The following ELOVL5 variants were observed in gnomAD, a reference collection of about 807,000 sequenced individuals.
The protein encoded by ELOVL5 is ELOVL fatty acid elongase 5, also known as very long chain fatty acid elongase 5.
ELOVL5 carries 8 observed loss-of-function variants against 38.6 expected under a neutral mutation model. The observed-to-expected ratio is 0.21, with a 90% CI of 0.12 to 0.37. The LOEUF (loss-of-function observed/expected upper bound fraction) is 0.37, where lower values mean the gene tolerates loss of function less well. Ranked by LOEUF, ELOVL5 falls within the 10% of genes least tolerant of loss-of-function variation. The pLI is 1.00. For synonymous variants in ELOVL5, 127 were observed against 133.7 expected, an observed-to-expected ratio of 0.95 and a Z score of 0.34; for missense variants, 280 against 367.8, an observed-to-expected ratio of 0.76 and a Z score of 1.95.
chr6:53,276,153 T>C lies in ELOVL5; in HGVS notation c.324+26A>G, dbSNP rs745552068. 4 of 1,526,444 alleles carry C rather than the reference T, an allele frequency of 2.6e-6. No individual in the cohort carries two copies. In the African/African-American group the frequency reaches 5.5e-5, roughly 21 times the overall value. The allele number at this position is 1,526,444 out of a possible 1,614,324, so 94.6% of individuals were successfully genotyped here. A position where few individuals can be genotyped will look rare whatever the true frequency, so the allele number is the denominator to read the frequency against. ...TTTAAAAACTCAACACTTATAATAA[T>C]AAAGTTTCTGAAAAAGAGACAGTAC... On this transcript the variant is annotated intron_variant, in intron 4 of 7. Coordinates refer to ENST00000304434, the MANE Select transcript of ELOVL5 (RefSeq NM_021814.5).
intron 3 of ELOVL5, among the ~76,000 whole-genome samples, chr6:53,287,469 G>A (rs777679595): frequency 5.9e-4 from 90 of 152,316 alleles, no homozygotes; most frequent in African/African-American, 2.0e-3. Flanking sequence ...GGGCAAGGAT[G>A]GGATGCTAAG....
intron 1 of ELOVL5, among the ~76,000 whole-genome samples, chr6:53,333,095 G>A (rs1365591262): frequency 6.6e-6 from 1 of 152,212 alleles, no homozygotes; most frequent in Admixed American, 6.5e-5. Context: ...ATGCCTTTCA[G>A]GGTTGGGAAG....
chr6:53,285,570 A>G (rs1292977541), intron 3 of ELOVL5, among the ~76,000 whole-genome samples: 2 of 152,320 alleles, frequency 1.3e-5, no homozygotes, highest in East Asian at 1.9e-4. Context: ...ACTAAACTGT[A>G]GCACATACCA....
At chr6:53,291,241 A>G (rs1253596599) in intron 3 of ELOVL5, among the ~76,000 whole-genome samples, 1 of 152,206 alleles carries the variant, frequency 6.6e-6, no homozygotes, top group African/African-American at 2.4e-5. Flanking sequence ...CAGACAGACA[A>G]TTCAAAACCT....
chr6:53,333,624 A>G (rs886489260), intron 1 of ELOVL5, among the ~76,000 whole-genome samples: 5 of 152,318 alleles, frequency 3.3e-5, no homozygotes. Context: ...TTTTTATCAA[A>G]TCAAAGGACA....
rs1036387305 is a variant in ELOVL5, at chr6:53,268,783, TA to T, written c.*343del. ...TACAATCACATGCATGATCTACAGT[TA>T]AAAAAAAAAGTTTGGATTACAGTGT... is the stretch of plus-strand genomic sequence containing the variant. On this transcript the variant is annotated 3_prime_UTR_variant, in exon 8 of 8. Coordinates refer to ENST00000304434, the MANE Select transcript of ELOVL5 (RefSeq NM_021814.5). 795 of 169,178 alleles carry T rather than the reference TA, an allele frequency of 4.7e-3. No homozygotes were observed. The highest frequency in any genetic ancestry group is 0.012 in the Middle Eastern group (5 of 414). The allele number at this position is 169,178 out of a possible 1,614,324, so 10.5% of individuals were successfully genotyped here.
intron 1 of ELOVL5, among the ~76,000 whole-genome samples, chr6:53,303,807 T>C (rs1180892433): frequency 6.6e-6 from 1 of 152,218 alleles, no homozygotes; most frequent in Non-Finnish European, 1.5e-5. Flanking sequence ...TTTTTAACCA[T>C]CGCTGGAGAA....
At chr6:53,299,093 G>A (rs1002633877) in intron 1 of ELOVL5, among the ~76,000 whole-genome samples, 1 of 152,130 alleles carries the variant, frequency 6.6e-6, no homozygotes, top group Non-Finnish European at 1.5e-5. Flanking sequence ...TAGAAAAAAT[G>A]AGACATTCAT....
intron 1 of ELOVL5, among the ~76,000 whole-genome samples, chr6:53,299,636 A>C (rs1289619197): frequency 6.6e-6 from 1 of 152,202 alleles, no homozygotes; most frequent in Non-Finnish European, 1.5e-5. Flanking sequence ...AGACTGTGGA[A>C]TTTAGTATTT....
intron 1 of ELOVL5, among the ~76,000 whole-genome samples, chr6:53,341,320 C>T (rs911577653): frequency 1.3e-5 from 2 of 152,132 alleles, no homozygotes; most frequent in Non-Finnish European, 2.9e-5. Context: ...CAGAATGTAA[C>T]GATGAATAAG....
At chr6:53,283,911 C>A (rs566649866) in intron 3 of ELOVL5, among the ~76,000 whole-genome samples, 1 of 150,060 alleles carries the variant, frequency 6.7e-6, no homozygotes, top group African/African-American at 2.5e-5. Context: ...GAACTACTTA[C>A]GAAAAAAATT....
At chr6:53,314,620 C>G (rs1204807256) in intron 1 of ELOVL5, among the ~76,000 whole-genome samples, 1 of 152,062 alleles carries the variant, frequency 6.6e-6, no homozygotes, top group Non-Finnish European at 1.5e-5. Context: ...CCCTTCAGCT[C>G]AGAAATCTAG....
chr6:53,321,702 T>C (rs1323784020), intron 1 of ELOVL5, among the ~76,000 whole-genome samples: 1 of 152,236 alleles, frequency 6.6e-6, no homozygotes, highest in East Asian at 1.9e-4. Flanking sequence ...TTCATTAATT[T>C]AGTCTAATGT....
At chr6:53,336,118 T>C (rs1273898951) in intron 1 of ELOVL5, among the ~76,000 whole-genome samples, 2 of 152,242 alleles carry the variant, frequency 1.3e-5, no homozygotes, top group African/African-American at 4.8e-5. Context: ...AGTATAATAA[T>C]AAACTACCTG....
At chr6:53,315,398 C>T (rs1257794043) in intron 1 of ELOVL5, among the ~76,000 whole-genome samples, 17 of 152,100 alleles carry the variant, frequency 1.1e-4, no homozygotes, top group Admixed American at 9.8e-4. Flanking sequence ...CACAAACCTT[C>T]GGTCCATAAC....
At chr6:53,334,335 G>A (rs1768948212) in intron 1 of ELOVL5, among the ~76,000 whole-genome samples, 1 of 152,182 alleles carries the variant, frequency 6.6e-6, no homozygotes, top group Non-Finnish European at 1.5e-5. Context: ...ACCAGAGCCA[G>A]AGAGGCTCCT....
At chr6:53,325,611 A>G (rs1768509767) in intron 1 of ELOVL5, among the ~76,000 whole-genome samples, 1 of 152,228 alleles carries the variant, frequency 6.6e-6, no homozygotes, top group Non-Finnish European at 1.5e-5. Context: ...CTCAGGAGGA[A>G]GATCCAGGCT....
Position 53,306,525 on chromosome 6 carries a change from T to G in ELOVL5, c.-8-10818A>C, listed in dbSNP as rs531965356. ...ATCTTAAAAACTCAGATATAGAACA[T>G]TTTTTCAGCAGTTGGTAGCGGGAGG... On this transcript the variant is annotated intron_variant, in intron 1 of 7. Coordinates refer to ENST00000304434, the MANE Select transcript of ELOVL5 (RefSeq NM_021814.5). Among the ~76,000 whole-genome samples the G allele has an allele frequency of 5.0e-4, 76 of 152,148 alleles. 1 individual carries two copies. The highest frequency in any genetic ancestry group is 1.7e-3 in the African/African-American group (70 of 41,470).
At chr6:53,278,597 G>T (rs1363443079) in intron 3 of ELOVL5, among the ~76,000 whole-genome samples, 4 of 152,162 alleles carry the variant, frequency 2.6e-5, no homozygotes, top group African/African-American at 9.7e-5. Context: ...TTTAGTTAAA[G>T]AACTCAAACC....
Sources: gnomAD v4.1 joint callset for allele counts (sites outside exome capture counted in the v4.1 genomes callset) on GRCh38, gnomAD v4.1.1 for gene constraint, MANE v1.5 for transcripts, NCBI Gene and HGNC (gene_info 2026-07-23, HGNC 2026-07-21) for gene names.